The following CDCA7 variants were observed in gnomAD, a reference collection of about 807,000 sequenced individuals.
CDCA7 encodes the protein cell division cycle-associated protein 7.
A neutral mutation model predicts 54.0 loss-of-function variants in CDCA7; 28 were observed. The observed-to-expected ratio is 0.52, with a 90% confidence interval of 0.38 to 0.71. CDCA7 has a LOEUF of 0.71. Ranked by LOEUF, CDCA7 falls within the 30% of genes least tolerant of loss-of-function variation. CDCA7 has a pLI of 0.00. For synonymous variants in CDCA7, 180 were observed against 208.2 expected (o/e 0.86, Z 1.16); for missense variants, 484 against 586.0 (o/e 0.83, Z 1.80).
rs185261865 is a variant in CDCA7 at position 173,366,076 on chromosome 2, C to G, written c.1036-207C>G. ...CTTGGCTCAAGCGATCCACTCTCCTCAGTCTCCCGGAATGCTGGGGTTACA... is the reference window on the plus strand; with the variant it reads ...CTTGGCTCAAGCGATCCACTCTCCTGAGTCTCCCGGAATGCTGGGGTTACA... On this transcript the variant is annotated intron_variant, in intron 7 of 9. Coordinates refer to ENST00000306721, the MANE Select transcript of CDCA7 (RefSeq NM_031942.5). The surrounding 1 kb of genome is among the most constrained non-coding windows in gnomAD (Gnocchi z 4.5). 7.2e-5 allele frequency among the ~76,000 whole-genome samples: 11 copies of G among 152,294 alleles called. No homozygotes were observed. Among genetic ancestry groups the G allele is most frequent in the Admixed American group, 6.5e-4 (10 of 15,296 alleles).
At chr2:173,357,243 G>A (rs1462387060) in intron 1 of CDCA7, among the ~76,000 whole-genome samples, 1 of 152,206 alleles carries the variant, frequency 6.6e-6, no homozygotes, top group Non-Finnish European at 1.5e-5. Flanking sequence ...TCTGAGAGCA[G>A]TGCCAGGCTG....
intron 2 of CDCA7, 51 bp downstream of exon 2, chr2:173,358,888 CCCCAGATG>C (rs1558947622): frequency 1.5e-5 from 24 of 1,575,564 alleles, no homozygotes; most frequent in Non-Finnish European, 1.9e-5. Flanking sequence ...GCTCAAAATG[CCCCAGATG>C]CTTTGTGCGT....
chr2:173,355,293 C>T (rs1686475231), intron 1 of CDCA7, among the ~76,000 whole-genome samples: 1 of 152,232 alleles, frequency 6.6e-6, no homozygotes, highest in South Asian at 2.1e-4. Context: ...CGGCCGGGAG[C>T]GCTGGCCGGT....
chr2:173,367,675 AT>A lies in CDCA7; in HGVS notation c.*14del. Reference sequence around the variant, plus strand: ...GAAATGCAAGCATAATATCTGGAAAATTTGCTGCCTGCCTTCTACTTCTCAA... The same window carrying A: ...GAAATGCAAGCATAATATCTGGAAAATTGCTGCCTGCCTTCTACTTCTCAA... On this transcript the variant is annotated 3_prime_UTR_variant, in exon 10 of 10. Transcript: ENST00000306721. The A allele has an allele frequency of 6.2e-7, 1 of 1,614,062 alleles. No individual in the cohort carries two copies. The highest frequency in any genetic ancestry group is 8.5e-7 in the Non-Finnish European group (1 of 1,179,942).
intron 9 of CDCA7, 130 bp downstream of exon 9, chr2:173,367,416 G>A: frequency 7.1e-7 from 1 of 1,402,816 alleles, no homozygotes; most frequent in African/African-American, 1.4e-5. Flanking sequence ...GGGGCACACT[G>A]GAAGGGATGG....
At chr2:173,357,649 A>C (rs537664434) in intron 1 of CDCA7, among the ~76,000 whole-genome samples, 6 of 152,178 alleles carry the variant, frequency 3.9e-5, no homozygotes, top group South Asian at 4.1e-4. Flanking sequence ...CATTAGCTTG[A>C]TTTTGGCTGA....
rs530839932 is a variant in CDCA7, at chr2:173,365,709, G to GT, written c.1035+124dup. 178 of 1,170,584 alleles carry GT rather than the reference G, an allele frequency of 1.5e-4. 2 individuals are homozygous for GT. In the South Asian group the frequency reaches 3.2e-3, roughly 21 times the overall value. The allele number at this position is 1,170,584 out of a possible 1,614,324, so 72.5% of individuals were successfully genotyped here. A position where few individuals can be genotyped will look rare whatever the true frequency, so the allele number is the denominator to read the frequency against. On this transcript the variant is annotated intron_variant, in intron 7 of 9. Coordinates refer to ENST00000306721, the MANE Select transcript of CDCA7 (RefSeq NM_031942.5). ...TAGCATGTGAAATCTGTACCTATAT[G>GT]TTTTTTTCACACAAGGAAGGAAAAG...
In CDCA7 at chr2:173,368,967, A is replaced by G. The variant is rs925956450; in HGVS notation, c.*1303A>G. 26 of 152,336 alleles carry G rather than the reference A, an allele frequency of 1.7e-4. No homozygotes were observed. The highest frequency in any genetic ancestry group is 3.9e-4 in the Admixed American group (6 of 15,304). 9.4% of individuals were successfully genotyped at this position (152,336 alleles called of 1,614,324 possible). A position where few individuals can be genotyped will look rare whatever the true frequency, so the allele number is the denominator to read the frequency against. ...ATTCTAATTTTTTCCTCATATTTAA[A>G]TAAAAGGCCATTTCCACCTTTTCTA... On this transcript the variant is annotated 3_prime_UTR_variant, in exon 10 of 10. Transcript: ENST00000306721.
chr2:173,367,013 A>G, intron 8 of CDCA7, 137 bp from the exon 9 acceptor site: 4 of 1,243,526 alleles, frequency 3.2e-6, no homozygotes, highest in Non-Finnish European at 4.4e-6. Flanking sequence ...ATTAGGCATT[A>G]GGAAACATTA....
rs930292537 is a variant in CDCA7, at chr2:173,363,534, A to G, written c.621+72A>G. On this transcript the variant is annotated intron_variant, in intron 4 of 9. Coordinates refer to ENST00000306721, the MANE Select transcript of CDCA7 (RefSeq NM_031942.5). The stretch of plus-strand genomic sequence containing the variant: ...ACTCATTACTTAAATCTGTTCCATC[A>G]CGCAAAAGTTATTTTTTTCTGTTAC... 2.1e-6 allele frequency: 3 copies of G among 1,408,546 alleles called. No homozygotes were observed. In the African/African-American group the frequency reaches 4.3e-5, roughly 20 times the overall value. 87.3% of individuals were successfully genotyped at this position (1,408,546 alleles called of 1,614,324 possible).
chr2:173,355,964 C>T (rs978473790), intron 1 of CDCA7, among the ~76,000 whole-genome samples: 1 of 152,046 alleles, frequency 6.6e-6, no homozygotes, highest in East Asian at 1.9e-4. Flanking sequence ...GGTCTTGGAA[C>T]CTGACATGCC....
chr2:173,363,681 T>C, intron 4 of CDCA7, 137 bp from the exon 5 acceptor site: 1 of 990,816 alleles, frequency 1.0e-6, no homozygotes, highest in Middle Eastern at 2.2e-4. Flanking sequence ...ATAGGGGAAA[T>C]CAGAAACTCT....
At chr2:173,355,592 T>C (rs1339067922) in intron 1 of CDCA7, among the ~76,000 whole-genome samples, 1 of 152,128 alleles carries the variant, frequency 6.6e-6, no homozygotes, top group Non-Finnish European at 1.5e-5. Context: ...GGTGGTTAAG[T>C]GCATTTAAAG....
intron 9 of CDCA7, 141 bp from the exon 10 acceptor site, chr2:173,367,493 T>C (rs939828653): frequency 7.8e-7 from 1 of 1,283,880 alleles, no homozygotes; most frequent in Non-Finnish European, 1.1e-6. Context: ...AAAAGTCAGG[T>C]AATATACTTG....
intron 1 of CDCA7, 45 bp from the exon 2 acceptor site, chr2:173,358,666 AT>A (rs749407514): frequency 6.3e-7 from 1 of 1,587,572 alleles, no homozygotes; most frequent in South Asian, 1.2e-5. Flanking sequence ...CTTTAGTTAA[AT>A]AAAGTAAGCA....
chr2:173,357,020 C>T (rs951920309), intron 1 of CDCA7, among the ~76,000 whole-genome samples: 2 of 152,168 alleles, frequency 1.3e-5, no homozygotes, highest in Non-Finnish European at 2.9e-5. Flanking sequence ...TTCTGGTCAC[C>T]TGACATCTTA....
At chr2:173,359,541 C>A in intron 3 of CDCA7, 50 bp downstream of exon 3, 1 of 1,466,466 alleles carries the variant, frequency 6.8e-7, no homozygotes, top group Non-Finnish European at 9.4e-7. Context: ...CATTTAGAGG[C>A]ATGACATATT....
chr2:173,366,503 G>A lies in CDCA7; in HGVS notation c.1185+71G>A. The stretch of plus-strand genomic sequence containing the variant: ...ACAAACTGTGATGAGGCCAGAAAAA[G>A]GCATTGGTGAAGGGGTGGAGCCCTT... On this transcript the variant is annotated intron_variant, in intron 8 of 9. Coordinates refer to ENST00000306721, the MANE Select transcript of CDCA7 (RefSeq NM_031942.5). This position sits in a 1 kb window ranked among gnomAD's most constrained non-coding sequence, Gnocchi z 4.5. The A allele has an allele frequency of 6.3e-7, 1 of 1,577,890 alleles. No individual in the cohort carries two copies. Among genetic ancestry groups the A allele is most frequent in the Non-Finnish European group, 8.6e-7 (1 of 1,160,520 alleles).
intron 3 of CDCA7, among the ~76,000 whole-genome samples, chr2:173,362,222 C>T (rs1348353989): frequency 1.3e-5 from 2 of 152,126 alleles, no homozygotes; most frequent in African/African-American, 4.8e-5. Context: ...TCATTTTGAA[C>T]TTCTAAAAGT....
Sources: gnomAD v4.1 joint callset for allele counts (sites outside exome capture counted in the v4.1 genomes callset) on GRCh38, gnomAD v4.1.1 for gene constraint, Gnocchi (gnomAD v3.1) non-coding constraint, MANE v1.5 for transcripts, NCBI Gene and HGNC (gene_info 2026-07-23, HGNC 2026-07-21) for gene names.